KALRN: variants seen among roughly 807,000 people sequenced by gnomAD.
KALRN encodes kalirin RhoGEF kinase.
In KALRN, 70 loss-of-function variants were observed where a neutral mutation model predicts 353.7. The observed-to-expected ratio is 0.20, with a 90% CI of 0.16 to 0.24. KALRN has a LOEUF of 0.24. KALRN is among the 10% of genes least tolerant of loss of function. The pLI is 1.00. For missense variants in KALRN, 2,791 were observed against 3,756.7 expected, an observed-to-expected ratio of 0.74 and a Z score of 6.72; for synonymous variants, 1,391 against 1,434.8, an observed-to-expected ratio of 0.97 and a Z score of 0.69.
intron 33 of KALRN, among the ~76,000 whole-genome samples, chr3:124,555,338 C>G: frequency 6.6e-6 from 1 of 151,924 alleles, no homozygotes; most frequent in Non-Finnish European, 1.5e-5. Flanking sequence ...GGCGTGCACC[C>G]GGAAGGCAGA....
At chr3:124,172,430 A>G (rs79930004) in intron 1 of KALRN, among the ~76,000 whole-genome samples, 5,104 of 152,270 alleles carry the variant, frequency 0.034, 260 homozygotes, top group African/African-American at 0.11. Context: ...AATTCTGCCA[A>G]AGTACTGGAT....
intron 33 of KALRN, among the ~76,000 whole-genome samples, chr3:124,560,572 G>A (rs2109821415): frequency 6.6e-6 from 1 of 152,342 alleles, no homozygotes; most frequent in African/African-American, 2.4e-5. Flanking sequence ...GTCAAAATAT[G>A]AAGTGTATTT....
At chr3:124,632,826 T>G in intron 35 of KALRN, 123 bp downstream of exon 35, 1 of 944,002 alleles carries the variant, frequency 1.1e-6, no homozygotes, top group Non-Finnish European at 1.6e-6. Context: ...CCTAAGTGAT[T>G]TGGATTCTTT....
Position 124,270,824 on chromosome 3 carries a change from G to GTTTTTTTTTTTTTTTTTTTTTTTTTT in KALRN, c.969+1592_969+1593insTTTTTTTTTTTTTTTTTTTTTTTTTT, listed in dbSNP as rs777615656. 1.0e-4 allele frequency among the ~76,000 whole-genome samples: 8 copies of GTTTTTTTTTTTTTTTTTTTTTTTTTT among 78,618 alleles called. 1 individual carries two copies. The highest frequency in any genetic ancestry group is 4.5e-4 in the South Asian group (1 of 2,228). The allele number at this position is 78,618 out of a possible 152,430, so 51.6% of individuals were successfully genotyped here. ...TTTTCTTTGTTTATTTTTTTGTTTT[G>GTTTTTTTTTTTTTTTTTTTTTTTTTT]TTTTTTTTTTTTTTTTTTTTTTTGA... On this transcript the variant is annotated intron_variant, in intron 5 of 59. Transcript: ENST00000682506.
At chr3:124,577,315 G>A (rs2074212591) in intron 34 of KALRN, among the ~76,000 whole-genome samples, 1 of 152,096 alleles carries the variant, frequency 6.6e-6, no homozygotes, top group Non-Finnish European at 1.5e-5. Flanking sequence ...GGCAAGTACA[G>A]AGGAACACAT....
chr3:124,262,153 A>G (rs1425114360), intron 3 of KALRN, among the ~76,000 whole-genome samples: 1 of 152,204 alleles, frequency 6.6e-6, no homozygotes, highest in Non-Finnish European at 1.5e-5. Flanking sequence ...CTTTCTGTAA[A>G]ACAATCATGA....
chr3:124,288,031 G>A (rs1580534124), intron 5 of KALRN, among the ~76,000 whole-genome samples: 1 of 151,182 alleles, frequency 6.6e-6, no homozygotes, highest in African/African-American at 2.4e-5. Context: ...CTGCCACCAC[G>A]CCTGGCTAAT....
intron 33 of KALRN, among the ~76,000 whole-genome samples, chr3:124,530,191 A>C (rs1375767988): frequency 1.3e-5 from 2 of 152,206 alleles, no homozygotes; most frequent in East Asian, 3.8e-4. Flanking sequence ...AAAAATACAT[A>C]AAAGGGATAG....
intron 34 of KALRN, among the ~76,000 whole-genome samples, chr3:124,566,995 C>T (rs1390873180): frequency 6.6e-6 from 1 of 152,172 alleles, no homozygotes; most frequent in Non-Finnish European, 1.5e-5. Flanking sequence ...GTGCTCAGGC[C>T]ATGACTATCA....
At chr3:124,584,852 G>C in intron 34 of KALRN, 1 of 1,607,346 alleles carries the variant, frequency 6.2e-7, no homozygotes, top group Non-Finnish European at 8.5e-7. Context: ...TTACACCCGA[G>C]GTCCCTCTTT....
chr3:124,720,685 T>TC lies in KALRN; in HGVS notation c.*1216dup, dbSNP rs1415321320. 2.0e-5 allele frequency: 3 copies of TC among 152,482 alleles called. No individual in the cohort carries two copies. Among genetic ancestry groups the TC allele is most frequent in the Non-Finnish European group, 2.9e-5 (2 of 68,040 alleles). The allele number at this position is 152,482 out of a possible 1,614,324, so 9.4% of individuals were successfully genotyped here. ...GTCACCATGCAGCCGCTGATAGTTC[T>TC]CTGAACTAAAAGGACTAATTGTACT... On this transcript the variant is annotated 3_prime_UTR_variant, in exon 60 of 60. Coordinates refer to ENST00000682506, the MANE Select transcript of KALRN (RefSeq NM_001388419.1).
intron 33 of KALRN, among the ~76,000 whole-genome samples, chr3:124,560,577 G>A (rs1035863778): frequency 2.6e-5 from 4 of 152,210 alleles, no homozygotes; most frequent in African/African-American, 9.7e-5. Flanking sequence ...AATATGAAGT[G>A]TATTTCTTAC....
At chr3:124,324,515 A>T (rs986570469) in intron 6 of KALRN, among the ~76,000 whole-genome samples, 2 of 152,256 alleles carry the variant, frequency 1.3e-5, no homozygotes, top group African/African-American at 4.8e-5. Context: ...TCCCATAACA[A>T]GAATCAGTAA....
chr3:124,327,002 G>A (rs1012556497), intron 7 of KALRN, among the ~76,000 whole-genome samples: 41 of 152,104 alleles, frequency 2.7e-4, no homozygotes, highest in African/African-American at 9.9e-4. Context: ...ACAATTGTGT[G>A]CTATGTATGG....
At chr3:124,604,998 T>A (rs929758578) in intron 34 of KALRN, among the ~76,000 whole-genome samples, 1 of 151,790 alleles carries the variant, frequency 6.6e-6, no homozygotes, top group African/African-American at 2.4e-5. Context: ...CTACAAAAAA[T>A]ATATATATAC....
chr3:124,058,660 A>G (rs1388833719), intron 1 of KALRN, among the ~76,000 whole-genome samples: 6 of 152,146 alleles, frequency 3.9e-5, no homozygotes, highest in Admixed American at 3.9e-4. Context: ...TTGACCTGCA[A>G]TTGGATTTTT....
intron 5 of KALRN, among the ~76,000 whole-genome samples, chr3:124,282,513 G>A (rs2075452354): frequency 6.6e-6 from 1 of 151,896 alleles, no homozygotes; most frequent in African/African-American, 2.4e-5. Flanking sequence ...GAGTAACTGG[G>A]ATTACAGGCA....
intron 1 of KALRN, among the ~76,000 whole-genome samples, chr3:124,175,980 T>G (rs890903016): frequency 1.3e-5 from 2 of 152,174 alleles, no homozygotes; most frequent in Non-Finnish European, 2.9e-5. Context: ...TTTCATGATT[T>G]TCTCTCTTCT....
At chr3:124,666,383 G>A in intron 45 of KALRN, 66 bp from the exon 46 acceptor site, 1 of 1,477,204 alleles carries the variant, frequency 6.8e-7, no homozygotes, top group Non-Finnish European at 9.4e-7. Flanking sequence ...AGGTTCTGTG[G>A]ACCCAGAGGG....
Sources: allele counts gnomAD v4.1 joint callset (sites outside exome capture counted in the v4.1 genomes callset), GRCh38; gene constraint gnomAD v4.1.1; transcripts MANE v1.5; gene names NCBI Gene and HGNC (gene_info 2026-07-23, HGNC 2026-07-21).